Variants in FBXL17 observed in about 807,000 individuals in gnomAD.
The protein encoded by FBXL17 is F-box and leucine rich repeat protein 17.
Under a neutral mutation model 66.2 loss-of-function variants are expected in FBXL17, and 22 were observed. The ratio of observed to expected loss-of-function variants is 0.33; its 90% confidence interval spans 0.24 to 0.47. The LOEUF is 0.47. Ranked by LOEUF, FBXL17 falls within the 20% of genes least tolerant of loss-of-function variation. The pLI is 1.00. For missense variants in FBXL17, 878 were observed against 948.2 expected, an observed-to-expected ratio of 0.93 and a Z score of 0.97; for synonymous variants, 474 against 400.5, an observed-to-expected ratio of 1.18 and a Z score of -2.19.
chr5:108,290,275 C>A lies in FBXL17; in HGVS notation c.1506+58124G>T, dbSNP rs374393994. ...AATAGCAAAGGCACACAATACTGGG[C>A]GTGAATGTTAGCACATATAGTTCAG... On this transcript the variant is annotated intron_variant, in intron 4 of 8. Coordinates refer to ENST00000542267, the MANE Select transcript of FBXL17 (RefSeq NM_001163315.3). 1.4e-3 allele frequency among the ~76,000 whole-genome samples: 211 copies of A among 152,142 alleles called. 6 individuals are homozygous for A. The South Asian group carries it at 0.041, about 30-fold the overall frequency.
intron 4 of FBXL17, among the ~76,000 whole-genome samples, chr5:108,246,944 T>C (rs1184994129): frequency 2.0e-5 from 3 of 152,206 alleles, no homozygotes; most frequent in Admixed American, 1.3e-4. Flanking sequence ...TTACCTAATA[T>C]TGTGGAATTC....
chr5:107,859,353 A>G lies in FBXL17; in HGVS notation c.*2367T>C, dbSNP rs1214990950. 1 of 144,754 alleles carries G rather than the reference A, an allele frequency of 6.9e-6. No homozygotes were observed. Among genetic ancestry groups the G allele is most frequent in the East Asian group, 2.1e-4 (1 of 4,840 alleles). 9.0% of individuals were successfully genotyped at this position (144,754 alleles called of 1,614,324 possible). Reference sequence around the variant, plus strand: ...TCTAATGAGAACACATTCAACAACCATCACAGGACCACTCAAGGTGATGCT... The same window carrying G: ...TCTAATGAGAACACATTCAACAACCGTCACAGGACCACTCAAGGTGATGCT... On this transcript the variant is annotated 3_prime_UTR_variant, in exon 9 of 9. Transcript: ENST00000542267.
chr5:107,965,200 G>A (rs1752075423), intron 7 of FBXL17, among the ~76,000 whole-genome samples: 1 of 152,030 alleles, frequency 6.6e-6, no homozygotes, highest in Non-Finnish European at 1.5e-5. Context: ...TGTCTTTTAA[G>A]CCCAGTTACC....
At chr5:108,002,061 G>A (rs900710510) in intron 7 of FBXL17, among the ~76,000 whole-genome samples, 5 of 151,932 alleles carry the variant, frequency 3.3e-5, no homozygotes, top group Admixed American at 1.3e-4. Flanking sequence ...TGTCACCCAG[G>A]TTGGAGTGCA....
intron 5 of FBXL17, among the ~76,000 whole-genome samples, chr5:108,223,010 A>T (rs1288281723): frequency 6.6e-6 from 1 of 152,098 alleles, no homozygotes; most frequent in Non-Finnish European, 1.5e-5. Context: ...AAATTTACTT[A>T]GCATTTACTG....
At chr5:108,265,951 A>G (rs1351858973) in intron 4 of FBXL17, among the ~76,000 whole-genome samples, 1 of 152,166 alleles carries the variant, frequency 6.6e-6, no homozygotes, top group East Asian at 1.9e-4. Context: ...CAGAAATGCA[A>G]TATGGTTCTT....
chr5:108,241,784 A>AATAACAC (rs1755864966), intron 4 of FBXL17, among the ~76,000 whole-genome samples: 1 of 152,140 alleles, frequency 6.6e-6, no homozygotes, highest in South Asian at 2.1e-4. Flanking sequence ...ACAAAAAACA[A>AATAACAC]ATAACACACA....
chr5:108,136,882 A>G (rs946289479), intron 6 of FBXL17, among the ~76,000 whole-genome samples: 7 of 152,180 alleles, frequency 4.6e-5, no homozygotes, highest in Admixed American at 1.3e-4. Flanking sequence ...AATATTATTG[A>G]TGTTATTTTG....
intron 6 of FBXL17, among the ~76,000 whole-genome samples, chr5:108,078,569 C>A (rs147772503): frequency 6.6e-5 from 10 of 152,092 alleles, no homozygotes; most frequent in Non-Finnish European, 1.5e-4. Context: ...GCTGGGATCT[C>A]GGAAAGATTA....
At chr5:108,258,478 A>G (rs557024062) in intron 4 of FBXL17, among the ~76,000 whole-genome samples, 27 of 152,332 alleles carry the variant, frequency 1.8e-4, no homozygotes, top group African/African-American at 6.3e-4. Context: ...AAAAACAGGT[A>G]CGAAAGAAGC....
At chr5:108,224,943 A>G (rs1755037781) in intron 4 of FBXL17, among the ~76,000 whole-genome samples, 1 of 151,946 alleles carries the variant, frequency 6.6e-6, no homozygotes, top group Admixed American at 6.6e-5. Context: ...ATATTTTTTT[A>G]TTGACATTTA....
At chr5:108,372,870 T>C (rs1749135407) in intron 1 of FBXL17, among the ~76,000 whole-genome samples, 1 of 152,110 alleles carries the variant, frequency 6.6e-6, no homozygotes, top group African/African-American at 2.4e-5. Context: ...CATAGGTAAA[T>C]ATAAAAGTGC....
At chr5:107,983,919 T>C (rs1231921991) in intron 7 of FBXL17, among the ~76,000 whole-genome samples, 1 of 152,048 alleles carries the variant, frequency 6.6e-6, no homozygotes, top group Non-Finnish European at 1.5e-5. Context: ...GTATCCTGGA[T>C]TGGTTTTACG....
rs886087600 is a variant in FBXL17, at chr5:108,381,805, C to T, written c.-114G>A. ...CTCGGCCCCCGGAGGGGTCGCCCTT[C>T]CTGCGCACACACACGCACACACGGG... is the stretch of plus-strand genomic sequence containing the variant. On this transcript the variant is annotated 5_prime_UTR_variant, in exon 1 of 9. Transcript: ENST00000542267. 2.4e-5 allele frequency: 33 copies of T among 1,352,220 alleles called. No individual in the cohort carries two copies. The East Asian group carries it at 2.8e-4, about 11-fold the overall frequency. The allele number at this position is 1,352,220 out of a possible 1,614,324, so 83.8% of individuals were successfully genotyped here. A position where few individuals can be genotyped will look rare whatever the true frequency, so the allele number is the denominator to read the frequency against.
intron 6 of FBXL17, among the ~76,000 whole-genome samples, chr5:108,052,112 CA>C (rs144705189): frequency 0.032 from 3,291 of 102,164 alleles, 115 homozygotes; most frequent in African/African-American, 0.11. Context: ...GACTTCGTCT[CA>C]AAAAAAAAAA....
chr5:107,862,540 T>G (rs1748154948), intron 8 of FBXL17, among the ~76,000 whole-genome samples: 1 of 152,196 alleles, frequency 6.6e-6, no homozygotes, highest in African/African-American at 2.4e-5. Flanking sequence ...GATTAATTTG[T>G]CAATTATTTT....
At chr5:108,075,196 GT>G (rs1296983637) in intron 6 of FBXL17, among the ~76,000 whole-genome samples, 2 of 152,312 alleles carry the variant, frequency 1.3e-5, no homozygotes, top group African/African-American at 2.4e-5. Context: ...CAGTTGTCCA[GT>G]TGGGAAAGAG....
intron 4 of FBXL17, among the ~76,000 whole-genome samples, chr5:108,270,758 A>G (rs1757235022): frequency 6.6e-6 from 1 of 152,100 alleles, no homozygotes; most frequent in African/African-American, 2.4e-5. Context: ...TACTATTATG[A>G]GAAGGGGGAC....
chr5:108,381,423 G>A lies in FBXL17; in HGVS notation c.269C>T (p.Ala90Val). 1 of 1,318,748 alleles carries A rather than the reference G, an allele frequency of 7.6e-7. No individual in the cohort carries two copies. Among genetic ancestry groups the A allele is most frequent in the Non-Finnish European group, 9.6e-7 (1 of 1,042,130 alleles). The allele number at this position is 1,318,748 out of a possible 1,614,324, so 81.7% of individuals were successfully genotyped here. The change falls in exon 1 of 9, where the codon GCC becomes GTC. Residue 90 changes from alanine to valine, a missense_variant. Coordinates refer to ENST00000542267, the MANE Select transcript of FBXL17 (RefSeq NM_001163315.3). Reference protein sequence around the residue: ...PPLSPPPRDGAYAAASSSQHL... With the variant: ...PPLSPPPRDGVYAAASSSQHL... ...CTGAGAGGAGGAGGCGGCAGCGTAGGCCCCGTCCCGCGGCGGCGGCGAGAG... is the reference window on the plus strand; with the variant it reads ...CTGAGAGGAGGAGGCGGCAGCGTAGACCCCGTCCCGCGGCGGCGGCGAGAG...
Sources: allele counts gnomAD v4.1 joint callset (sites outside exome capture counted in the v4.1 genomes callset), GRCh38; gene constraint gnomAD v4.1.1; transcripts MANE v1.5; gene names NCBI Gene and HGNC (gene_info 2026-07-23, HGNC 2026-07-21).